The following FARS2 variants were observed in gnomAD, a reference collection of about 807,000 sequenced individuals.
FARS2 encodes phenylalanine--tRNA ligase, mitochondrial.
FARS2 carries 40 observed loss-of-function variants against 46.4 expected under a neutral mutation model. That is an observed-to-expected ratio of 0.86 (90% confidence interval 0.67 to 1.12). FARS2 has a LOEUF of 1.12. Among genes scored for constraint, FARS2 ranks in the 50% most tolerant of loss-of-function variants. The pLI is 0.00. For synonymous variants in FARS2, 234 were observed against 214.9 expected, an observed-to-expected ratio of 1.09 and a Z score of -0.78; for missense variants, 513 against 567.9, an observed-to-expected ratio of 0.90 and a Z score of 0.98.
intron 1 of FARS2, among the ~76,000 whole-genome samples, chr6:5,315,520 A>G (rs756559422): frequency 2.6e-5 from 4 of 152,242 alleles, no homozygotes; most frequent in Non-Finnish European, 5.9e-5. Context: ...CAAAAATCAC[A>G]GGAGTAAATG....
intron 5 of FARS2, among the ~76,000 whole-genome samples, chr6:5,599,735 A>G (rs1028012189): frequency 6.6e-6 from 1 of 152,200 alleles, no homozygotes; most frequent in African/African-American, 2.4e-5. Context: ...TACTTTTGGC[A>G]TTTTTATTCT....
chr6:5,270,497 G>A (rs1441900468), intron 1 of FARS2, among the ~76,000 whole-genome samples: 1 of 152,188 alleles, frequency 6.6e-6, no homozygotes, highest in Non-Finnish European at 1.5e-5. Flanking sequence ...ATGCCCTTCT[G>A]TTAACTTTGT....
In FARS2 at chr6:5,761,791, A is replaced by C. The variant is rs544578740; in HGVS notation, c.1218-9500A>C. Among the ~76,000 whole-genome samples the C allele has an allele frequency of 4.0e-5, 6 of 150,142 alleles. No individual in the cohort carries two copies. The East Asian group carries it at 9.8e-4, about 24-fold the overall frequency. ...AAATATGGCCAGACCCTGCCATAGC[A>C]TTAAGAGTGGAGGATCTAAAAAAAA... is the stretch of plus-strand genomic sequence containing the variant. On this transcript the variant is annotated intron_variant, in intron 6 of 6. Transcript: ENST00000274680.
At chr6:5,412,238 CCTTGCCCAAAGA>C (rs1173281323) in intron 3 of FARS2, among the ~76,000 whole-genome samples, 2 of 152,220 alleles carry the variant, frequency 1.3e-5, no homozygotes, top group African/African-American at 4.8e-5. Context: ...CAGGGAGCCT[CCTTGCCCAAAGA>C]CATGCCCTTC....
chr6:5,493,219 A>G (rs1343005378), intron 4 of FARS2, among the ~76,000 whole-genome samples: 3 of 151,814 alleles, frequency 2.0e-5, no homozygotes, highest in Non-Finnish European at 2.9e-5. Context: ...CAAAAAAAAA[A>G]AAAAAAAAAG....
chr6:5,482,477 G>C (rs1211433946), intron 4 of FARS2, among the ~76,000 whole-genome samples: 3 of 152,186 alleles, frequency 2.0e-5, no homozygotes, highest in Non-Finnish European at 4.4e-5. Context: ...TAAACATGGA[G>C]AGAGACTTGG....
chr6:5,534,391 T>C (rs1770053702), intron 4 of FARS2, among the ~76,000 whole-genome samples: 1 of 152,220 alleles, frequency 6.6e-6, no homozygotes. Context: ...CAAAATATTT[T>C]CATCGCTTCC....
At chr6:5,409,228 A>C (rs1761791095) in intron 3 of FARS2, among the ~76,000 whole-genome samples, 1 of 152,150 alleles carries the variant, frequency 6.6e-6, no homozygotes, top group African/African-American at 2.4e-5. Flanking sequence ...AGTTGGGTAG[A>C]TCATGAGGTC....
At chr6:5,437,281 T>C (rs563277955) in intron 4 of FARS2, among the ~76,000 whole-genome samples, 55 of 152,324 alleles carry the variant, frequency 3.6e-4, no homozygotes, top group Admixed American at 5.9e-4. Flanking sequence ...TATTGTAAAA[T>C]TCTTTGTGTG....
rs138208188 is a variant in FARS2 at position 5,575,688 on chromosome 6, C to A, written c.1065+30348C>A. On this transcript the variant is annotated intron_variant, in intron 5 of 6. Transcript: ENST00000274680. ...TTATACATGTATTTTGTTGTCATAG[C>A]TCTTTGGTCTCCTTGAATCTGAAAT... is the stretch of plus-strand genomic sequence containing the variant. 8.1e-4 allele frequency among the ~76,000 whole-genome samples: 124 copies of A among 152,272 alleles called. 3 individuals are homozygous for A. Among genetic ancestry groups the A allele is most frequent in the African/African-American group, 2.9e-3 (119 of 41,552 alleles).
chr6:5,662,409 C>T (rs1424954153), intron 6 of FARS2, among the ~76,000 whole-genome samples: 1 of 152,190 alleles, frequency 6.6e-6, no homozygotes, highest in African/African-American at 2.4e-5. Flanking sequence ...GTTAAACTCA[C>T]TAAAACAGCA....
At chr6:5,478,126 AG>A (rs1462009300) in intron 4 of FARS2, among the ~76,000 whole-genome samples, 4 of 152,160 alleles carry the variant, frequency 2.6e-5, no homozygotes, top group African/African-American at 9.7e-5. Flanking sequence ...ACGTGATGTC[AG>A]TATTAACCTG....
intron 2 of FARS2, among the ~76,000 whole-genome samples, chr6:5,372,317 G>A (rs898283991): frequency 6.6e-6 from 1 of 151,986 alleles, no homozygotes; most frequent in Non-Finnish European, 1.5e-5. Context: ...TTTAAAATTT[G>A]GTAGCCATAA....
At chr6:5,577,041 T>G (rs542198433) in intron 5 of FARS2, among the ~76,000 whole-genome samples, 7 of 151,632 alleles carry the variant, frequency 4.6e-5, no homozygotes, top group Non-Finnish European at 7.4e-5. Flanking sequence ...GCGTTATGAT[T>G]TAGACATTTC....
intron 6 of FARS2, among the ~76,000 whole-genome samples, chr6:5,705,053 T>C (rs1758657732): frequency 1.3e-5 from 2 of 152,182 alleles, no homozygotes; most frequent in Non-Finnish European, 2.9e-5. Context: ...TCTCTAAGCC[T>C]ATCAGGTTTT....
At chr6:5,603,197 A>G (rs533698454) in intron 5 of FARS2, among the ~76,000 whole-genome samples, 2 of 152,258 alleles carry the variant, frequency 1.3e-5, no homozygotes, top group East Asian at 3.9e-4. Context: ...CTGGGCTCAA[A>G]TAATCTTCCA....
At chr6:5,671,823 C>T (rs1778481076) in intron 6 of FARS2, among the ~76,000 whole-genome samples, 1 of 152,100 alleles carries the variant, frequency 6.6e-6, no homozygotes, top group Non-Finnish European at 1.5e-5. Context: ...CGCATCAACG[C>T]GGGGAGGTGA....
At chr6:5,418,875 T>TTAC (rs1225251588) in intron 3 of FARS2, among the ~76,000 whole-genome samples, 2 of 80,996 alleles carry the variant, frequency 2.5e-5, no homozygotes, top group Non-Finnish European at 5.6e-5. Context: ...ATTTGTCTTT[T>TTAC]TATTATTATT....
At chr6:5,364,818 AG>A (rs1348478052) in intron 1 of FARS2, among the ~76,000 whole-genome samples, 1 of 152,190 alleles carries the variant, frequency 6.6e-6, no homozygotes, top group African/African-American at 2.4e-5. Context: ...AGCTCACTTG[AG>A]GCAGGAGTTT....
Sources: allele counts gnomAD v4.1 joint callset (sites outside exome capture counted in the v4.1 genomes callset), GRCh38; gene constraint gnomAD v4.1.1; transcripts MANE v1.5; gene names NCBI Gene and HGNC (gene_info 2026-07-23, HGNC 2026-07-21).